The following SORCS3 variants were observed in gnomAD, a reference collection of about 807,000 sequenced individuals.
The protein encoded by SORCS3 is VPS10 domain-containing receptor SorCS3.
A neutral mutation model predicts 146.3 loss-of-function variants in SORCS3; 57 were observed. The observed-to-expected ratio is 0.39, with a 90% CI of 0.31 to 0.49. The LOEUF is 0.49. SORCS3 is among the 20% of genes least tolerant of loss of function. The pLI is 0.92. For synonymous variants in SORCS3, 653 were observed against 618.5 expected, an observed-to-expected ratio of 1.06 and a Z score of -0.83; for missense variants, 1,341 against 1,575.5, an observed-to-expected ratio of 0.85 and a Z score of 2.52.
chr10:104,928,168 G>A (rs187787648), intron 3 of SORCS3, among the ~76,000 whole-genome samples: 1 of 152,292 alleles, frequency 6.6e-6, no homozygotes, highest in East Asian at 1.9e-4. Context: ...CCCAGGGATG[G>A]AGTTAGGACT....
At chr10:104,839,878 C>T (rs528394752) in intron 1 of SORCS3, among the ~76,000 whole-genome samples, 16 of 152,218 alleles carry the variant, frequency 1.1e-4, no homozygotes, top group South Asian at 8.3e-4. Context: ...TCTGACCCCC[C>T]GGTGAAGGAG....
At chr10:105,114,610 T>A (rs545898940) in intron 7 of SORCS3, among the ~76,000 whole-genome samples, 14 of 152,126 alleles carry the variant, frequency 9.2e-5, no homozygotes, top group Non-Finnish European at 1.5e-4. Context: ...TTTGTGCTGA[T>A]TCAGGCCAGG....
intron 4 of SORCS3, among the ~76,000 whole-genome samples, chr10:104,986,309 T>C (rs189275614): frequency 6.6e-6 from 1 of 152,328 alleles, no homozygotes; most frequent in East Asian, 1.9e-4. Context: ...CTTCTTCACC[T>C]CTCTCAGCCT....
chr10:104,810,981 A>G (rs1009026573), intron 1 of SORCS3, among the ~76,000 whole-genome samples: 1 of 152,228 alleles, frequency 6.6e-6, no homozygotes, highest in African/African-American at 2.4e-5. Context: ...ACAAAGAGTG[A>G]ATTGTACTGT....
intron 5 of SORCS3, among the ~76,000 whole-genome samples, chr10:105,083,543 C>G (rs887306448): frequency 5.9e-5 from 9 of 152,138 alleles, no homozygotes; most frequent in Non-Finnish European, 1.3e-4. Flanking sequence ...GTCACGGACC[C>G]TCTTACACAT....
intron 18 of SORCS3, among the ~76,000 whole-genome samples, chr10:105,216,674 A>G (rs2056666842): frequency 6.6e-6 from 1 of 152,162 alleles, no homozygotes; most frequent in South Asian, 2.1e-4. Flanking sequence ...AACTTTACAG[A>G]GGGTCTACCT....
intron 14 of SORCS3, among the ~76,000 whole-genome samples, chr10:105,195,728 A>T (rs753545245): frequency 5.9e-5 from 9 of 152,198 alleles, no homozygotes; most frequent in Non-Finnish European, 1.3e-4. Flanking sequence ...CCCTAAGCTG[A>T]CAATGGGTGG....
intron 1 of SORCS3, among the ~76,000 whole-genome samples, chr10:104,738,042 C>G (rs2133457948): frequency 6.6e-6 from 1 of 151,992 alleles, no homozygotes. Context: ...AATCCTTTCC[C>G]CATTGCTTGT....
intron 3 of SORCS3, among the ~76,000 whole-genome samples, chr10:104,964,059 C>T (rs2054812491): frequency 6.6e-6 from 1 of 152,090 alleles, no homozygotes; most frequent in Admixed American, 6.6e-5. Context: ...ATTACAGAAC[C>T]TCTCCCTGGT....
At chr10:104,993,194 A>C (rs990204250) in intron 4 of SORCS3, among the ~76,000 whole-genome samples, 2 of 152,206 alleles carry the variant, frequency 1.3e-5, no homozygotes, top group African/African-American at 4.8e-5. Flanking sequence ...TTCTTTCCTG[A>C]CAAAGGAGAT....
intron 16 of SORCS3, among the ~76,000 whole-genome samples, chr10:105,203,332 CAATT>C (rs1564784007): frequency 6.6e-6 from 1 of 152,120 alleles, no homozygotes; most frequent in African/African-American, 2.4e-5. Flanking sequence ...TTATTAATCA[CAATT>C]AAGCAAAAAT....
At chr10:105,121,867 C>T (rs1036368011) in intron 7 of SORCS3, among the ~76,000 whole-genome samples, 1 of 152,198 alleles carries the variant, frequency 6.6e-6, no homozygotes, top group Non-Finnish European at 1.5e-5. Flanking sequence ...ATCCACAGCT[C>T]TGCTCTTCTC....
At chr10:104,697,185 T>C (rs943015408) in intron 1 of SORCS3, among the ~76,000 whole-genome samples, 1 of 152,174 alleles carries the variant, frequency 6.6e-6, no homozygotes, top group Non-Finnish European at 1.5e-5. Flanking sequence ...CTGATAGATA[T>C]CCATGTTGTT....
At chr10:104,849,493 C>T (rs1454190598) in intron 2 of SORCS3, among the ~76,000 whole-genome samples, 1 of 149,452 alleles carries the variant, frequency 6.7e-6, no homozygotes, top group East Asian at 2.0e-4. Context: ...CACCTGGTGA[C>T]AGTGGGTGGC....
intron 3 of SORCS3, among the ~76,000 whole-genome samples, chr10:104,953,401 G>A (rs1589564211): frequency 6.6e-6 from 1 of 152,230 alleles, no homozygotes; most frequent in East Asian, 1.9e-4. Context: ...CTAAAACGGT[G>A]ATGCTCAACC....
intron 5 of SORCS3, among the ~76,000 whole-genome samples, chr10:105,073,742 C>CG (rs1231412959): frequency 5.9e-5 from 9 of 152,038 alleles, no homozygotes; most frequent in African/African-American, 1.9e-4. Context: ...GCTGGTACCT[C>CG]GGACTGGGTG....
At chr10:104,924,842 T>A (rs1426174206) in intron 3 of SORCS3, among the ~76,000 whole-genome samples, 2 of 152,210 alleles carry the variant, frequency 1.3e-5, no homozygotes, top group Non-Finnish European at 2.9e-5. Context: ...AGCATTTTTT[T>A]ATGAATTGTT....
chr10:104,978,732 C>T (rs1341465091), intron 4 of SORCS3, among the ~76,000 whole-genome samples: 1 of 152,112 alleles, frequency 6.6e-6, no homozygotes, highest in Non-Finnish European at 1.5e-5. Context: ...GTCATCTGAA[C>T]GATTGCTAGA....
intron 3 of SORCS3, among the ~76,000 whole-genome samples, chr10:104,919,057 A>T (rs978721622): frequency 6.6e-6 from 1 of 152,142 alleles, no homozygotes; most frequent in Admixed American, 6.5e-5. Context: ...GAGACAAGGG[A>T]TGGATTAAGG....
Sources: gnomAD v4.1 joint callset for allele counts (sites outside exome capture counted in the v4.1 genomes callset) on GRCh38, gnomAD v4.1.1 for gene constraint, MANE v1.5 for transcripts, NCBI Gene and HGNC (gene_info 2026-07-23, HGNC 2026-07-21) for gene names.